Variants in SLC35F1 observed in about 807,000 individuals in gnomAD.
The protein encoded by SLC35F1 is chromosome 6 open reading frame 169.
A neutral mutation model predicts 48.7 loss-of-function variants in SLC35F1; 14 were observed. That is an observed-to-expected ratio of 0.29 (90% CI 0.19 to 0.45). The LOEUF is 0.45. Ranked by LOEUF, SLC35F1 falls within the 20% of genes least tolerant of loss-of-function variation. The pLI is 1.00. For missense variants in SLC35F1, 404 were observed against 500.0 expected (o/e 0.81, Z 1.83); for synonymous variants, 190 against 202.2 (o/e 0.94, Z 0.51).
chr6:118,207,768 T>C (rs1774954442), intron 2 of SLC35F1, among the ~76,000 whole-genome samples: 2 of 152,200 alleles, frequency 1.3e-5, no homozygotes, highest in South Asian at 4.1e-4. Flanking sequence ...GCCCTCCCCC[T>C]CATCTAAACT....
intron 1 of SLC35F1, among the ~76,000 whole-genome samples, chr6:117,993,829 A>T (rs2114859911): frequency 6.6e-6 from 1 of 152,356 alleles, no homozygotes; most frequent in East Asian, 1.9e-4. Context: ...CACAAAGGGC[A>T]GGCAGCTCCA....
At chr6:118,038,167 G>GA (rs895769011) in intron 1 of SLC35F1, among the ~76,000 whole-genome samples, 3 of 152,006 alleles carry the variant, frequency 2.0e-5, no homozygotes, top group Non-Finnish European at 2.9e-5. Flanking sequence ...AAAGCCTACT[G>GA]AAAAATGCTA....
At chr6:118,222,655 T>C (rs1351142765) in intron 2 of SLC35F1, among the ~76,000 whole-genome samples, 2 of 152,256 alleles carry the variant, frequency 1.3e-5, no homozygotes, top group Non-Finnish European at 2.9e-5. Flanking sequence ...CTTCCAATGG[T>C]GACCAATTAG....
At position 118,281,204 on chromosome 6, in the gene SLC35F1, CTA is replaced by C. The variant is rs1554244292; in HGVS notation, c.847+3675_847+3676del. ...TCTCTCTCTCTCTCTCTCTCTCTCTCTATATATATATATATATAAAATATTAA... is the reference window on the plus strand; with the variant it reads ...TCTCTCTCTCTCTCTCTCTCTCTCTCTATATATATATATATAAAATATTAA... On this transcript the variant is annotated intron_variant, in intron 6 of 7. Coordinates refer to ENST00000360388, the MANE Select transcript of SLC35F1 (RefSeq NM_001029858.4). Among the ~76,000 whole-genome samples the C allele has an allele frequency of 3.1e-3, 403 of 130,474 alleles. 2 individuals carry two copies. Among genetic ancestry groups the C allele is most frequent in the African/African-American group, 0.011 (364 of 34,634 alleles). The allele number at this position is 130,474 out of a possible 152,430, so 85.6% of individuals were successfully genotyped here.
intron 1 of SLC35F1, among the ~76,000 whole-genome samples, chr6:118,016,266 A>C (rs1777321074): frequency 6.6e-6 from 1 of 152,184 alleles, no homozygotes; most frequent in African/African-American, 2.4e-5. Flanking sequence ...AGTCAGCCTC[A>C]AGGAGTCAGC....
intron 1 of SLC35F1, among the ~76,000 whole-genome samples, chr6:117,966,131 G>GCCCCCCCCCCCCCCCCCC (rs35420310): frequency 7.9e-5 from 8 of 101,096 alleles, no homozygotes; most frequent in Non-Finnish European, 1.2e-4. Flanking sequence ...GCAGGCCACC[G>GCCCCCCCCCCCCCCCCCC]CCCCCCCCCC....
intron 1 of SLC35F1, among the ~76,000 whole-genome samples, chr6:118,038,538 G>A (rs1197594500): frequency 6.7e-6 from 1 of 150,360 alleles, no homozygotes; most frequent in African/African-American, 2.4e-5. Context: ...ATTTATTTAT[G>A]TATTCTTTAA....
intron 2 of SLC35F1, among the ~76,000 whole-genome samples, chr6:118,159,302 G>A (rs569523367): frequency 8.3e-5 from 12 of 145,046 alleles, no homozygotes; most frequent in Non-Finnish European, 1.4e-4. Flanking sequence ...AGAAAGAAAT[G>A]TACTCCACCA....
intron 3 of SLC35F1, among the ~76,000 whole-genome samples, chr6:118,251,486 T>C (rs1189662323): frequency 6.6e-6 from 1 of 151,976 alleles, no homozygotes; most frequent in Non-Finnish European, 1.5e-5. Context: ...AAGGAGGAAA[T>C]GAGCAAAGAA....
At chr6:118,036,654 C>T (rs2114897872) in intron 1 of SLC35F1, among the ~76,000 whole-genome samples, 1 of 152,144 alleles carries the variant, frequency 6.6e-6, no homozygotes, top group Non-Finnish European at 1.5e-5. Flanking sequence ...ACCTCCTGGG[C>T]TCAAGCAATC....
intron 1 of SLC35F1, among the ~76,000 whole-genome samples, chr6:117,987,989 A>G (rs1412066588): frequency 6.6e-6 from 1 of 152,152 alleles, no homozygotes; most frequent in East Asian, 1.9e-4. Context: ...TGGGCCATTC[A>G]TAAAGGGATG....
intron 1 of SLC35F1, among the ~76,000 whole-genome samples, chr6:118,070,142 C>CAAAAAAAAA (rs61496169): frequency 2.5e-5 from 2 of 78,714 alleles, no homozygotes; most frequent in Non-Finnish European, 4.5e-5. Context: ...GACTCCGTCT[C>CAAAAAAAAA]AAAAAAAAAA....
At chr6:118,153,695 C>T (rs1415738593) in intron 1 of SLC35F1, among the ~76,000 whole-genome samples, 4 of 152,074 alleles carry the variant, frequency 2.6e-5, no homozygotes, top group Admixed American at 6.6e-5. Context: ...ATAGGGGCAG[C>T]GCCTATGAAA....
intron 1 of SLC35F1, among the ~76,000 whole-genome samples, chr6:118,066,419 G>A (rs886775108): frequency 4.6e-5 from 7 of 152,274 alleles, no homozygotes; most frequent in South Asian, 2.1e-4. Flanking sequence ...AGTAAGAAGC[G>A]TCAGTCTTCA....
At position 118,203,213 on chromosome 6, in the gene SLC35F1, G is replaced by A. The variant is rs566961054; in HGVS notation, c.350-32296G>A. ...ACATTCCCACCCTATTCATGAAGGA[G>A]CCAACTGGGCCAACTGCTCTCTGAG... On this transcript the variant is annotated intron_variant, in intron 2 of 7. Transcript: ENST00000360388. Among the ~76,000 whole-genome samples, 5 of 152,310 alleles carry A rather than the reference G, an allele frequency of 3.3e-5. No individual in the cohort carries two copies. The East Asian group carries it at 9.6e-4, about 29-fold the overall frequency.
chr6:117,967,163 C>A (rs188471997), intron 1 of SLC35F1, among the ~76,000 whole-genome samples: 9 of 151,740 alleles, frequency 5.9e-5, no homozygotes, highest in African/African-American at 2.2e-4. Flanking sequence ...AAGTATGAAA[C>A]ACACAAAATA....
rs1317490640 is a variant in SLC35F1 at position 118,023,100 on chromosome 6, A to G, written c.173+115201A>G. On this transcript the variant is annotated intron_variant, in intron 1 of 7. Transcript: ENST00000360388. ...TGCTCAGCCACCCTTATACAGGAAT[A>G]GAGAATGCAGCGAATAGATCCTGTC... Among the ~76,000 whole-genome samples, 3 of 152,148 alleles carry G rather than the reference A, an allele frequency of 2.0e-5. No individual in the cohort carries two copies. In the East Asian group the frequency reaches 5.8e-4, roughly 29 times the overall value.
intron 1 of SLC35F1, among the ~76,000 whole-genome samples, chr6:118,063,976 TCA>T (rs1464208589): frequency 1.3e-5 from 2 of 152,198 alleles, no homozygotes; most frequent in African/African-American, 2.4e-5. Flanking sequence ...TAGTCTGTTT[TCA>T]CACTGCTGAT....
chr6:118,040,479 A>G (rs932584940), intron 1 of SLC35F1, among the ~76,000 whole-genome samples: 1 of 152,194 alleles, frequency 6.6e-6, no homozygotes, highest in Non-Finnish European at 1.5e-5. Context: ...TTTTATTAAT[A>G]AAGACGAAAG....
Sources: gnomAD v4.1 joint callset for allele counts (sites outside exome capture counted in the v4.1 genomes callset) on GRCh38, gnomAD v4.1.1 for gene constraint, MANE v1.5 for transcripts, NCBI Gene and HGNC (gene_info 2026-07-23, HGNC 2026-07-21) for gene names.